Variants in MYRIP observed in about 807,000 individuals in gnomAD.
MYRIP encodes the protein myosin VIIA and Rab interacting protein.
A neutral mutation model predicts 98.0 loss-of-function variants in MYRIP; 49 were observed. The observed-to-expected ratio is 0.50, with a 90% CI of 0.40 to 0.63. The LOEUF is 0.63. MYRIP is among the 30% of genes least tolerant of loss of function. MYRIP has a pLI of 0.00. For synonymous variants in MYRIP, 404 were observed against 409.5 expected (o/e 0.99, Z 0.16); for missense variants, 1,004 against 1,058.2 (o/e 0.95, Z 0.71).
intron 2 of MYRIP, among the ~76,000 whole-genome samples, chr3:39,909,327 T>C (rs1012523088): frequency 6.6e-6 from 1 of 152,208 alleles, no homozygotes; most frequent in Non-Finnish European, 1.5e-5. Flanking sequence ...GGAAGGCCAA[T>C]ATTAATCCAA....
At chr3:40,020,119 A>G (rs1197317457) in intron 2 of MYRIP, among the ~76,000 whole-genome samples, 1 of 152,158 alleles carries the variant, frequency 6.6e-6, no homozygotes. Flanking sequence ...ACCCATAGAT[A>G]GTTTTTCAGC....
intron 3 of MYRIP, among the ~76,000 whole-genome samples, chr3:40,083,035 C>CA (rs1357696246): frequency 6.6e-6 from 1 of 152,172 alleles, no homozygotes; most frequent in East Asian, 1.9e-4. Context: ...GATTAGAAAA[C>CA]AAAATCTCTT....
At chr3:40,069,112 T>G (rs567690935) in intron 3 of MYRIP, among the ~76,000 whole-genome samples, 4 of 152,148 alleles carry the variant, frequency 2.6e-5, no homozygotes, top group Non-Finnish European at 5.9e-5. Context: ...CTGGTACCCA[T>G]GGGACAAAAG....
At chr3:40,185,470 A>C (rs1951007598) in intron 9 of MYRIP, among the ~76,000 whole-genome samples, 2 of 152,150 alleles carry the variant, frequency 1.3e-5, no homozygotes, top group Admixed American at 1.3e-4. Flanking sequence ...AGGAAGAGGG[A>C]GCAGGATCCC....
rs535529315 is a variant in MYRIP, at chr3:39,832,957, G to A, written c.-31+23041G>A. On this transcript the variant is annotated intron_variant, in intron 1 of 16. Transcript: ENST00000302541. ...ACAAAAATGTTTATCATAGTCCTCT[G>A]TGAAATAGCACCAAATTGGAATCAA... Among the ~76,000 whole-genome samples the A allele has an allele frequency of 2.6e-5, 4 of 152,304 alleles. No homozygotes were observed. In the East Asian group the frequency reaches 7.7e-4, roughly 29 times the overall value.
chr3:40,149,453 C>T (rs916305167), intron 3 of MYRIP, among the ~76,000 whole-genome samples: 3 of 152,180 alleles, frequency 2.0e-5, no homozygotes, highest in African/African-American at 7.2e-5. Flanking sequence ...GGACAAATAT[C>T]CAAACTATAT....
At chr3:40,155,645 C>T (rs1466158040) in intron 4 of MYRIP, among the ~76,000 whole-genome samples, 6 of 150,808 alleles carry the variant, frequency 4.0e-5, no homozygotes, top group Admixed American at 1.3e-4. Context: ...ACATCCTCTC[C>T]AGCACCTGTT....
intron 1 of MYRIP, among the ~76,000 whole-genome samples, chr3:39,887,817 A>G (rs568264318): frequency 6.6e-6 from 1 of 152,350 alleles, no homozygotes; most frequent in Non-Finnish European, 1.5e-5. Flanking sequence ...GCTGATAAAC[A>G]ACTTCAGCAA....
At chr3:40,059,613 C>T (rs749682010) in intron 3 of MYRIP, among the ~76,000 whole-genome samples, 27 of 152,114 alleles carry the variant, frequency 1.8e-4, no homozygotes, top group Non-Finnish European at 3.7e-4. Context: ...TCTGTCTTTT[C>T]AAAGACACTT....
chr3:40,107,282 AC>A (rs1231860153), intron 3 of MYRIP, among the ~76,000 whole-genome samples: 1 of 152,198 alleles, frequency 6.6e-6, no homozygotes, highest in African/African-American at 2.4e-5. Flanking sequence ...GATTGCAGTC[AC>A]TTTATGGCCT....
At chr3:40,033,424 T>C (rs557253198) in intron 2 of MYRIP, among the ~76,000 whole-genome samples, 5 of 152,046 alleles carry the variant, frequency 3.3e-5, no homozygotes, top group South Asian at 4.2e-4. Context: ...TATACACCAA[T>C]AACAGACAAA....
intron 12 of MYRIP, chr3:40,238,837 C>T (rs1436370542): frequency 6.6e-6 from 1 of 152,202 alleles, no homozygotes; most frequent in African/African-American, 2.4e-5. Flanking sequence ...TTTACATATC[C>T]AATCTCCTGT....
chr3:40,171,577 G>A (rs895856917), intron 8 of MYRIP, among the ~76,000 whole-genome samples: 10 of 152,214 alleles, frequency 6.6e-5, no homozygotes, highest in Admixed American at 1.3e-4. Flanking sequence ...ATGAGTCAAT[G>A]AGTCAGAGGC....
chr3:39,839,995 T>C (rs1472217281), intron 1 of MYRIP, among the ~76,000 whole-genome samples: 1 of 152,206 alleles, frequency 6.6e-6, no homozygotes, highest in South Asian at 2.1e-4. Flanking sequence ...GGCCACTTGG[T>C]CCAGAGCTGA....
chr3:40,039,132 C>T (rs896509578), intron 2 of MYRIP, among the ~76,000 whole-genome samples: 1 of 152,064 alleles, frequency 6.6e-6, no homozygotes. Context: ...TGGTAATAAA[C>T]GTCCATCACC....
chr3:40,186,815 G>A (rs1426160499), intron 9 of MYRIP, among the ~76,000 whole-genome samples: 1 of 152,204 alleles, frequency 6.6e-6, no homozygotes, highest in East Asian at 1.9e-4. Flanking sequence ...TAGCTTCACT[G>A]AGAACCTGAG....
chr3:40,133,116 G>A (rs923900757), intron 3 of MYRIP, among the ~76,000 whole-genome samples: 6 of 152,220 alleles, frequency 3.9e-5, no homozygotes, highest in African/African-American at 1.2e-4. Flanking sequence ...CTAGAGTGAT[G>A]GAACTGAAGG....
intron 1 of MYRIP, among the ~76,000 whole-genome samples, chr3:39,868,280 A>T (rs1942682101): frequency 6.6e-6 from 1 of 152,162 alleles, no homozygotes; most frequent in Non-Finnish European, 1.5e-5. Flanking sequence ...CTTCTTGGAT[A>T]TTGTATGTTC....
intron 4 of MYRIP, among the ~76,000 whole-genome samples, chr3:40,154,045 C>T (rs1002496359): frequency 3.3e-5 from 5 of 151,532 alleles, no homozygotes; most frequent in African/African-American, 1.2e-4. Flanking sequence ...GAGGCTGAGG[C>T]AGAGGAATCG....
Sources: gnomAD v4.1 joint callset for allele counts (sites outside exome capture counted in the v4.1 genomes callset) on GRCh38, gnomAD v4.1.1 for gene constraint, MANE v1.5 for transcripts, NCBI Gene and HGNC (gene_info 2026-07-23, HGNC 2026-07-21) for gene names.